The following PCCA variants were observed in gnomAD, a reference collection of about 807,000 sequenced individuals.
The protein encoded by PCCA is propionyl-CoA carboxylase subunit alpha, also known as propionyl-CoA carboxylase alpha chain, mitochondrial.
In PCCA, 74 loss-of-function variants were observed where a neutral mutation model predicts 101.3. The observed-to-expected ratio is 0.73, with a 90% CI of 0.61 to 0.89. The LOEUF (loss-of-function observed/expected upper bound fraction) is 0.89. PCCA is among the 40% of genes least tolerant of loss of function. The pLI is 0.00. For synonymous variants in PCCA, 294 were observed against 313.6 expected (o/e 0.94, Z 0.66); for missense variants, 891 against 907.0 (o/e 0.98, Z 0.23).
At chr13:100,501,466 G>A (rs1159519092) in intron 21 of PCCA, among the ~76,000 whole-genome samples, 6 of 152,154 alleles carry the variant, frequency 3.9e-5, no homozygotes, top group Non-Finnish European at 8.8e-5. Context: ...CCTTCTCATG[G>A]ACATGAGCTA....
intron 7 of PCCA, among the ~76,000 whole-genome samples, chr13:100,222,079 T>C (rs2059852359): frequency 6.6e-6 from 1 of 151,658 alleles, no homozygotes; most frequent in African/African-American, 2.4e-5. Flanking sequence ...TCTCACTCTG[T>C]TGCCCAGACT....
At chr13:100,209,571 C>A in intron 7 of PCCA, 108 bp downstream of exon 7, 3 of 804,334 alleles carry the variant, frequency 3.7e-6, no homozygotes, top group Middle Eastern at 2.9e-4. Context: ...CACACACACA[C>A]ACACATATGC....
chr13:100,341,386 A>G (rs746355805), intron 18 of PCCA, among the ~76,000 whole-genome samples: 32 of 152,260 alleles, frequency 2.1e-4, no homozygotes, highest in Non-Finnish European at 4.0e-4. Flanking sequence ...TGTACACCTC[A>G]GTGCTTGTTG....
chr13:100,475,558 T>G (rs941725373), intron 21 of PCCA, among the ~76,000 whole-genome samples: 2 of 152,124 alleles, frequency 1.3e-5, no homozygotes, highest in Non-Finnish European at 2.9e-5. Context: ...AGTTGGTGGG[T>G]GTTGGTTCCT....
At chr13:100,302,482 GT>G (rs1008558775) in intron 13 of PCCA, among the ~76,000 whole-genome samples, 25 of 148,386 alleles carry the variant, frequency 1.7e-4, no homozygotes, top group African/African-American at 4.4e-4. Flanking sequence ...AGCGTGCAAA[GT>G]TTTTTTTTTC....
At chr13:100,176,224 G>C (rs1392666028) in intron 6 of PCCA, among the ~76,000 whole-genome samples, 1 of 152,138 alleles carries the variant, frequency 6.6e-6, no homozygotes, top group Non-Finnish European at 1.5e-5. Flanking sequence ...TGGGGATAGA[G>C]ACAGGACTCT....
At chr13:100,284,965 A>G (rs1040877807) in intron 12 of PCCA, among the ~76,000 whole-genome samples, 2 of 152,206 alleles carry the variant, frequency 1.3e-5, no homozygotes, top group Admixed American at 6.5e-5. Flanking sequence ...TCGTGCCAGC[A>G]GGCTACTCTA....
At chr13:100,220,971 C>T (rs1479500097) in intron 7 of PCCA, among the ~76,000 whole-genome samples, 1 of 152,136 alleles carries the variant, frequency 6.6e-6, no homozygotes, top group Non-Finnish European at 1.5e-5. Context: ...GCCCAGACTT[C>T]CATGGACAAA....
At chr13:100,440,402 ATAAAT>A (rs1402577298) in intron 20 of PCCA, among the ~76,000 whole-genome samples, 2 of 151,394 alleles carry the variant, frequency 1.3e-5, no homozygotes, top group African/African-American at 4.8e-5. Flanking sequence ...TTTGAAGAAA[ATAAAT>A]TGTTGATTTT....
At chr13:100,447,659 T>C (rs1191617513) in intron 20 of PCCA, among the ~76,000 whole-genome samples, 1 of 146,976 alleles carries the variant, frequency 6.8e-6, no homozygotes, top group Non-Finnish European at 1.5e-5. Context: ...GTGACAAGAA[T>C]GAAACTCTGT....
At chr13:100,280,670 C>T (rs1294988580) in intron 12 of PCCA, among the ~76,000 whole-genome samples, 2 of 152,186 alleles carry the variant, frequency 1.3e-5, no homozygotes, top group Non-Finnish European at 2.9e-5. Context: ...TTCTAGTAGT[C>T]CCCCTTATCC....
chr13:100,336,552 T>C (rs539280801), intron 17 of PCCA, among the ~76,000 whole-genome samples: 2 of 152,232 alleles, frequency 1.3e-5, no homozygotes, highest in South Asian at 2.1e-4. Flanking sequence ...GTTGGGACTT[T>C]TGCATGAAAT....
chr13:100,310,955 G>T (rs2066863950), intron 16 of PCCA, among the ~76,000 whole-genome samples: 1 of 152,022 alleles, frequency 6.6e-6, no homozygotes, highest in Admixed American at 6.6e-5. Context: ...GTGATTTTTG[G>T]CCAAGCACGG....
At chr13:100,129,234 T>C (rs887960191) in intron 4 of PCCA, among the ~76,000 whole-genome samples, 1 of 152,226 alleles carries the variant, frequency 6.6e-6, no homozygotes, top group Non-Finnish European at 1.5e-5. Context: ...ACTTCGTTAT[T>C]GCTTCTTTAG....
intron 22 of PCCA, among the ~76,000 whole-genome samples, chr13:100,521,466 T>C (rs187133847): frequency 1.4e-3 from 213 of 152,346 alleles, no homozygotes; most frequent in Admixed American, 3.4e-3. Context: ...TCTTTGTAAT[T>C]TGATGATGGT....
intron 12 of PCCA, among the ~76,000 whole-genome samples, chr13:100,289,564 T>C (rs2064972210): frequency 6.6e-6 from 1 of 151,982 alleles, no homozygotes; most frequent in South Asian, 2.1e-4. Context: ...AAATTTTTTT[T>C]CTTGTTTTCC....
intron 12 of PCCA, among the ~76,000 whole-genome samples, chr13:100,296,250 A>AT (rs199636692): frequency 1.1e-3 from 168 of 151,256 alleles, no homozygotes; most frequent in African/African-American, 3.6e-3. Flanking sequence ...TTTATTTTTT[A>AT]TTTTTTTGAG....
At chr13:100,268,544 G>C in intron 10 of PCCA, 145 bp from the exon 11 acceptor site, 1 of 743,746 alleles carries the variant, frequency 1.3e-6, no homozygotes, top group Non-Finnish European at 2.5e-6. Context: ...TTGTTAACAT[G>C]AATCAAAATA....
At chr13:100,117,997 T>C (rs1034338160) in intron 4 of PCCA, among the ~76,000 whole-genome samples, 3 of 151,646 alleles carry the variant, frequency 2.0e-5, no homozygotes, top group Non-Finnish European at 2.9e-5. Context: ...GCTCCTGTGG[T>C]CCCAGCTACT....
Sources: allele counts gnomAD v4.1 joint callset (sites outside exome capture counted in the v4.1 genomes callset), GRCh38; gene constraint gnomAD v4.1.1; transcripts MANE v1.5; gene names NCBI Gene and HGNC (gene_info 2026-07-23, HGNC 2026-07-21).